RTN3: variants seen among roughly 807,000 people sequenced by gnomAD.
RTN3 encodes reticulon-3.
Under a neutral mutation model 77.8 loss-of-function variants are expected in RTN3, and 49 were observed. That is an observed-to-expected ratio of 0.63 (90% confidence interval 0.50 to 0.80). The LOEUF (loss-of-function observed/expected upper bound fraction) is 0.80, where lower values mean the gene tolerates loss of function less well. RTN3 is among the 30% of genes least tolerant of loss of function. RTN3 has a pLI of 0.00. For missense variants in RTN3, 1,236 were observed against 1,211.9 expected (o/e 1.02, Z -0.29); for synonymous variants, 464 against 446.9 (o/e 1.04, Z -0.48).
intron 3 of RTN3, among the ~76,000 whole-genome samples, chr11:63,749,478 A>T (rs541752153): frequency 1.3e-5 from 2 of 152,150 alleles, no homozygotes; most frequent in African/African-American, 4.8e-5. Context: ...CTTTGGTTTT[A>T]TAGTCTGTTC....
chr11:63,699,678 A>G lies in RTN3; in HGVS notation c.143-5173A>G, dbSNP rs533489024. 7.2e-5 allele frequency among the ~76,000 whole-genome samples: 11 copies of G among 152,296 alleles called. No individual in the cohort carries two copies. In the East Asian group the frequency reaches 1.9e-3, roughly 27 times the overall value. On this transcript the variant is annotated intron_variant, in intron 1 of 8. Coordinates refer to ENST00000377819, the MANE Select transcript of RTN3 (RefSeq NM_001265589.2). The stretch of plus-strand genomic sequence containing the variant: ...CTGGCCAATTGTTCCTTCTCCCCAG[A>G]ATGCCTTTCCCTTCCTTGTTCACCT...
chr11:63,698,433 A>G (rs932524851), intron 1 of RTN3, among the ~76,000 whole-genome samples: 2 of 152,184 alleles, frequency 1.3e-5, no homozygotes, highest in Non-Finnish European at 2.9e-5. Context: ...ATTGTTTTTC[A>G]TAGTCTTAAT....
rs1467287424 is a variant in RTN3 at position 63,756,128 on chromosome 11, A to C, written c.3011A>C (p.Tyr1004Ser). Residue 1004 changes from tyrosine to serine, a missense_variant, in exon 8 of 9, where the codon TAT becomes TCT. Transcript: ENST00000377819. ...TCCTTAAAGACCCAGATTGATCACT[A>C]TGTTGGCATCGCCCGAGATCAGACC... ...YEKYKTQIDH[Y>S]VGIARDQTKS... is the part of the protein sequence containing the mutation. 1 of 1,613,166 alleles carries C rather than the reference A, an allele frequency of 6.2e-7. No homozygotes were observed.
Position 63,696,868 on chromosome 11 carries a change from TCTTTCTTTCTTTC to T in RTN3, c.143-7982_143-7970del, listed in dbSNP as rs796775802. Among the ~76,000 whole-genome samples, 461 of 70,602 alleles carry T rather than the reference TCTTTCTTTCTTTC, an allele frequency of 6.5e-3. 3 individuals are homozygous for T. The highest frequency in any genetic ancestry group is 0.01 in the South Asian group (15 of 1,430). 46.3% of individuals were successfully genotyped at this position (70,602 alleles called of 152,430 possible). On this transcript the variant is annotated intron_variant, in intron 1 of 8. Transcript: ENST00000377819. Reference sequence around the variant, plus strand: ...GGCCCCTGTTGCTATTTTCTTTCTTTCTTTCTTTCTTTCTTTTTTTTTTTTTTTTTTTTTGAGA... The same window carrying T: ...GGCCCCTGTTGCTATTTTCTTTCTTTTTTTTTTTTTTTTTTTTTTTTGAGA...
rs1941706845 is a variant in RTN3, at chr11:63,692,374, T to C, written c.142+10596T>C. Reference sequence around the variant, plus strand: ...CCCTCTACCTCGGGGTTTTATTTGCTGTTCACTCTGCCTAGAATGCTCTTC... The same window carrying C: ...CCCTCTACCTCGGGGTTTTATTTGCCGTTCACTCTGCCTAGAATGCTCTTC... On this transcript the variant is annotated intron_variant, in intron 1 of 8. Transcript: ENST00000377819. 2.6e-5 allele frequency among the ~76,000 whole-genome samples: 4 copies of C among 152,282 alleles called. No homozygotes were observed. In the South Asian group the frequency reaches 8.3e-4, roughly 32 times the overall value.
intron 3 of RTN3, chr11:63,747,036 A>T (rs1333356569): frequency 2.2e-6 from 1 of 455,934 alleles, no homozygotes; most frequent in South Asian, 1.5e-5. Flanking sequence ...TAAGTTCCTC[A>T]GCCTTTCTCT....
At chr11:63,687,063 A>G (rs933171067) in intron 1 of RTN3, among the ~76,000 whole-genome samples, 1 of 152,152 alleles carries the variant, frequency 6.6e-6, no homozygotes, top group Non-Finnish European at 1.5e-5. Flanking sequence ...TGAATATGTA[A>G]TTTGTGTTTT....
intron 2 of RTN3, among the ~76,000 whole-genome samples, 191 bp from the exon 3 acceptor site, chr11:63,718,511 G>A (rs547445933): frequency 2.9e-4 from 44 of 151,976 alleles, no homozygotes; most frequent in African/African-American, 1.1e-3. Context: ...TTTCACTGTT[G>A]GCAGTTTTAT....
chr11:63,689,958 A>G (rs1449340878), intron 1 of RTN3, among the ~76,000 whole-genome samples: 2 of 152,100 alleles, frequency 1.3e-5, no homozygotes, highest in East Asian at 1.9e-4. Flanking sequence ...GGGTTTCACC[A>G]TGTTGGTCAG....
In RTN3 at chr11:63,719,576, C is replaced by G. The variant is rs1382162205; in HGVS notation, c.1074C>G (p.Cys358Trp). ...VKQQTDKSSD[C>W]ITKTTGLDMS... ...AACAGACCGATAAATCTTCTGACTG[C>G]ATCACAAAAACTACAGGACTTGACA... The change falls in exon 3 of 9, where the codon TGC (cysteine) becomes TGG (tryptophan). Residue 358 changes from cysteine to tryptophan, a missense_variant. Cys to Trp is a radical substitution (Grantham distance 215, BLOSUM62 -2). Around this residue, in one of 3 missense-constraint regions of RTN3, gnomAD observed 1,056 missense variants for 990.4 expected, o/e 1.07. Coordinates refer to ENST00000377819, the MANE Select transcript of RTN3 (RefSeq NM_001265589.2). 3 of 1,614,070 alleles carry G rather than the reference C, an allele frequency of 1.9e-6. No homozygotes were observed. The highest frequency in any genetic ancestry group is 2.5e-6 in the Non-Finnish European group (3 of 1,180,034).
intron 3 of RTN3, among the ~76,000 whole-genome samples, chr11:63,724,100 C>T (rs936338375): frequency 1.3e-5 from 2 of 150,262 alleles, no homozygotes; most frequent in African/African-American, 2.4e-5. Flanking sequence ...TAAATTGTTA[C>T]AGCCTTTCTG....
chr11:63,717,987 C>T (rs2011501186), intron 2 of RTN3, among the ~76,000 whole-genome samples: 1 of 149,382 alleles, frequency 6.7e-6, no homozygotes, highest in Non-Finnish European at 1.5e-5. Context: ...TGCACTTCAG[C>T]CTGGGCAACA....
intron 1 of RTN3, among the ~76,000 whole-genome samples, chr11:63,695,693 C>A (rs1315620017): frequency 1.3e-5 from 2 of 152,146 alleles, no homozygotes; most frequent in East Asian, 1.9e-4. Context: ...AAACATCTGA[C>A]AAATTCAAAT....
In RTN3 at chr11:63,759,155, G is replaced by T. The variant is rs1267581866; in HGVS notation, c.*954G>T. On this transcript the variant is annotated 3_prime_UTR_variant, in exon 9 of 9. Transcript: ENST00000377819. ...AGTTTTTGTGATCCTATCTCAGTCT[G>T]GGGGGGAACATTCTCAAGAGGTGAA... 6.6e-6 allele frequency: 1 copy of T among 152,130 alleles called. No homozygotes were observed. Among genetic ancestry groups the T allele is most frequent in the Non-Finnish European group, 1.5e-5 (1 of 68,036 alleles). 9.4% of individuals were successfully genotyped at this position (152,130 alleles called of 1,614,324 possible). A position where few individuals can be genotyped will look rare whatever the true frequency, so the allele number is the denominator to read the frequency against.
intron 1 of RTN3, among the ~76,000 whole-genome samples, chr11:63,695,759 G>A (rs1941905831): frequency 1.3e-5 from 2 of 152,168 alleles, no homozygotes; most frequent in African/African-American, 4.8e-5. Context: ...GTCAAGAGAA[G>A]TCTGAGAAGC....
intron 3 of RTN3, among the ~76,000 whole-genome samples, chr11:63,725,471 A>T: frequency 6.7e-6 from 1 of 148,940 alleles, no homozygotes; most frequent in South Asian, 2.1e-4. Context: ...TTTGAGATGG[A>T]GGAGTTTCAC....
intron 6 of RTN3, 23 bp downstream of exon 6, chr11:63,753,161 C>A (rs773359163): frequency 1.9e-6 from 3 of 1,602,950 alleles, no homozygotes; most frequent in South Asian, 2.2e-5. Flanking sequence ...GGAGAATGTG[C>A]CCATGCTCTT....
Position 63,681,578 on chromosome 11 carries a change from C to T in RTN3, c.-59C>T. 1 of 1,495,450 alleles carries T rather than the reference C, an allele frequency of 6.7e-7. No individual in the cohort carries two copies. Among genetic ancestry groups the T allele is most frequent in the Non-Finnish European group, 9.0e-7 (1 of 1,116,506 alleles). The allele number at this position is 1,495,450 out of a possible 1,614,324, so 92.6% of individuals were successfully genotyped here. ...CAGTTGCCGGATTATTCTATTTCCC[C>T]TCCCTCTCTCCCGCCCCGTATCTCT... On this transcript the variant is annotated 5_prime_UTR_variant, in exon 1 of 9. Coordinates refer to ENST00000377819, the MANE Select transcript of RTN3 (RefSeq NM_001265589.2).
rs1300956208 is a variant in RTN3, at chr11:63,725,828, T to C, written c.2530+4796T>C. On this transcript the variant is annotated intron_variant, in intron 3 of 8. Coordinates refer to ENST00000377819, the MANE Select transcript of RTN3 (RefSeq NM_001265589.2). ...CCCAGCGTTAGGGTGCTACTGCTTA[T>C]CAGTTTCACTTCTAGCTCTGTGCCT... 2.0e-5 allele frequency among the ~76,000 whole-genome samples: 3 copies of C among 152,334 alleles called. No individual in the cohort carries two copies. In the East Asian group the frequency reaches 5.8e-4, roughly 29 times the overall value.
Sources: gnomAD v4.1 joint callset for allele counts (sites outside exome capture counted in the v4.1 genomes callset) on GRCh38, gnomAD v4.1.1 for gene constraint, gnomAD v4.1.1 regional missense constraint, MANE v1.5 for transcripts, NCBI Gene and HGNC (gene_info 2026-07-23, HGNC 2026-07-21) for gene names.